CP: variants seen among roughly 807,000 people sequenced by gnomAD.
CP encodes ceruloplasmin, also known as caeruloplasmin.
CP carries 64 observed loss-of-function variants against 122.4 expected under a neutral mutation model. The ratio of observed to expected loss-of-function variants is 0.52; its 90% confidence interval spans 0.43 to 0.64. The LOEUF (loss-of-function observed/expected upper bound fraction) is 0.64. Among genes scored for constraint, CP ranks in the 30% least tolerant of loss-of-function variants. The pLI is 0.00. For synonymous variants in CP, 440 were observed against 436.4 expected (o/e 1.01, Z -0.10); for missense variants, 1,167 against 1,284.4 (o/e 0.91, Z 1.40).
intron 7 of CP, among the ~76,000 whole-genome samples, chr3:149,200,816 A>G (rs1727255382): frequency 6.6e-6 from 1 of 151,820 alleles, no homozygotes; most frequent in Non-Finnish European, 1.5e-5. Context: ...AGCCAAGTTG[A>G]GTAACTTTCA....
intron 6 of CP, among the ~76,000 whole-genome samples, chr3:149,203,009 C>T (rs1182200882): frequency 5.4e-5 from 8 of 148,182 alleles, no homozygotes; most frequent in African/African-American, 2.0e-4. Flanking sequence ...CAGGTTCAAG[C>T]AATTCTCCTG....
chr3:149,176,590 C>T, intron 17 of CP, 178 bp from the exon 18 acceptor site: 1 of 588,628 alleles, frequency 1.7e-6, no homozygotes, highest in Non-Finnish European at 3.0e-6. Context: ...CCTAATAAGT[C>T]TTTGGTATCC....
chr3:149,199,571 T>C (rs558810936), intron 8 of CP, 141 bp downstream of exon 8: 11 of 1,030,406 alleles, frequency 1.1e-5, no homozygotes, highest in Non-Finnish European at 1.7e-5. Context: ...GGTTTATTTG[T>C]TTCCTGGCAT....
At chr3:149,164,278 A>G (rs1724193542) in intron 5 of CP, among the ~76,000 whole-genome samples, 1 of 152,128 alleles carries the variant, frequency 6.6e-6, no homozygotes, top group Non-Finnish European at 1.5e-5. Context: ...TGGTGTTTTT[A>G]TTGATGTAGT....
Position 149,186,352 on chromosome 3 carries a change from T to C in CP, c.2077+168A>G, listed in dbSNP as rs551879499. The C allele has an allele frequency of 4.4e-6, 3 of 686,180 alleles. No individual in the cohort carries two copies. In the East Asian group the frequency reaches 8.1e-5, roughly 19 times the overall value. 42.5% of individuals were successfully genotyped at this position (686,180 alleles called of 1,614,324 possible). ...GTAACTAGGAAACAGACCTATCTGG[T>C]ACATACTTCAGCTGATAGTGGCCTA... is the stretch of plus-strand genomic sequence containing the variant. On this transcript the variant is annotated intron_variant, in intron 11 of 18. Coordinates refer to ENST00000264613, the MANE Select transcript of CP (RefSeq NM_000096.4).
chr3:149,184,720 T>C (rs1726036213), intron 12 of CP, among the ~76,000 whole-genome samples: 1 of 152,252 alleles, frequency 6.6e-6, no homozygotes, highest in Non-Finnish European at 1.5e-5. Context: ...ATGGACATGT[T>C]ACTGGTAATT....
At chr3:149,177,168 C>T (rs1725471746) in intron 17 of CP, among the ~76,000 whole-genome samples, 1 of 152,066 alleles carries the variant, frequency 6.6e-6, no homozygotes, top group African/African-American at 2.4e-5. Flanking sequence ...CACCATGGGC[C>T]ATTTAAGATA....
intron 1 of CP, 88 bp from the exon 2 acceptor site, chr3:149,212,786 G>C: frequency 7.0e-7 from 1 of 1,436,338 alleles, no homozygotes; most frequent in Non-Finnish European, 9.4e-7. Flanking sequence ...TATAATTAGA[G>C]AAATTAATGA....
intron 12 of CP, among the ~76,000 whole-genome samples, chr3:149,184,790 C>G: frequency 6.6e-6 from 1 of 152,180 alleles, no homozygotes; most frequent in East Asian, 1.9e-4. Context: ...CATCTTCAAG[C>G]ATTTAAAATA....
chr3:149,214,016 C>T (rs1728287898), intron 1 of CP, among the ~76,000 whole-genome samples: 1 of 152,180 alleles, frequency 6.6e-6, no homozygotes, highest in African/African-American at 2.4e-5. Flanking sequence ...GGGTCTGGGG[C>T]AGGGCCCAGG....
intron 9 of CP, among the ~76,000 whole-genome samples, chr3:149,194,160 G>C (rs9853335): frequency 0.065 from 9,785 of 151,602 alleles, 469 homozygotes; most frequent in Non-Finnish European, 0.096. Flanking sequence ...TCCAAAGTAA[G>C]CACAAGATCA....
chr3:149,163,270 G>T (rs1318891434), intron 5 of CP, among the ~76,000 whole-genome samples: 1 of 152,200 alleles, frequency 6.6e-6, no homozygotes, highest in Non-Finnish European at 1.5e-5. Flanking sequence ...GGCTGTGGGA[G>T]GGAGACTGCC....
In CP at chr3:149,185,354, C is replaced by A. The variant is rs547959229; in HGVS notation, c.2170G>T (p.Asp724Tyr). 1.2e-6 allele frequency: 2 copies of A among 1,614,176 alleles called. No individual in the cohort carries two copies. Among genetic ancestry groups the A allele is most frequent in the East Asian group, 4.5e-5 (2 of 44,890 alleles). The stretch of plus-strand genomic sequence containing the variant: ...CTCTCTCCCAGGTAGAAGGTGGAAT[C>A]CTCAGACTGCCGCCTGCATTGGTTC... ...TVNQCRRQSE[D>Y]STFYLGERTY... The change falls in exon 12 of 19, where the codon GAT becomes TAT. Residue 724 changes from aspartate (D) to tyrosine (Y), a missense_variant. Physicochemically the swap from Asp to Tyr is radical, Grantham distance 160. Transcript: ENST00000264613.
In CP at chr3:149,212,584, C is replaced by T. The variant is rs142440055; in HGVS notation, c.261G>A (p.Pro87=). 2.7e-5 allele frequency: 44 copies of T among 1,613,950 alleles called. No homozygotes were observed. In the African/African-American group the frequency reaches 3.3e-4, roughly 12 times the overall value. The change falls in exon 2 of 19, where the codon CCG becomes CCA. Residue 87 remains proline, a synonymous_variant. Transcript: ENST00000264613. The stretch of plus-strand genomic sequence containing the variant: ...TAGGGCCTAAAAACCCAAGCCAGAC[C>T]GGTTTTTCTATAGTTGTCCTAAAGG... ...DETFRTTIEK[P]VWLGFLGPII... is the part of the protein sequence containing the mutation.
downstream of CP, among the ~76,000 whole-genome samples, chr3:149,171,696 T>G (rs1725006175): frequency 7.0e-6 from 1 of 142,104 alleles, no homozygotes; most frequent in South Asian, 2.2e-4. Context: ...CTGAACTGGC[T>G]TCTTTTTTTT....
chr3:149,207,552 A>G lies in CP; in HGVS notation c.847T>C (p.Trp283Arg), dbSNP rs755222932. The change falls in exon 5 of 19, where the codon TGG becomes CGG. Residue 283 changes from tryptophan (W) to arginine (R), a missense_variant. Coordinates refer to ENST00000264613, the MANE Select transcript of CP (RefSeq NM_000096.4). Reference protein sequence around the residue: ...LSMCAEDRVKWYLFGMGNEVD... With the variant: ...LSMCAEDRVKRYLFGMGNEVD... The stretch of plus-strand genomic sequence containing the variant: ...TCATTACCCATACCAAAAAGGTACC[A>G]TTTTACTCTGTCTTCAGCACACATG... 1 of 1,613,920 alleles carries G rather than the reference A, an allele frequency of 6.2e-7. No individual in the cohort carries two copies. The highest frequency in any genetic ancestry group is 1.1e-5 in the South Asian group (1 of 91,088).
At chr3:149,199,347 A>G (rs1222717656) in intron 8 of CP, among the ~76,000 whole-genome samples, 1 of 152,176 alleles carries the variant, frequency 6.6e-6, no homozygotes, top group African/African-American at 2.4e-5. Context: ...AACTATGGAT[A>G]ATTAGTATTT....
Position 149,173,635 on chromosome 3 carries a change from T to C in CP, c.*79A>G, listed in dbSNP as rs887009880. ...TGTTTATAGTCATTCCAAAGTAACA[T>C]TCTATTTTACACTTTCACATACATT... is the stretch of plus-strand genomic sequence containing the variant. On this transcript the variant is annotated 3_prime_UTR_variant, in exon 19 of 19. Coordinates refer to ENST00000264613, the MANE Select transcript of CP (RefSeq NM_000096.4). The C allele has an allele frequency of 3.2e-6, 3 of 933,926 alleles. No homozygotes were observed. In the African/African-American group the frequency reaches 5.0e-5, roughly 15 times the overall value. The allele number at this position is 933,926 out of a possible 1,614,324, so 57.9% of individuals were successfully genotyped here. A position where few individuals can be genotyped will look rare whatever the true frequency, so the allele number is the denominator to read the frequency against.
intron 18 of CP, among the ~76,000 whole-genome samples, 178 bp from the exon 19 acceptor site, chr3:149,173,908 G>A (rs1576721807): frequency 6.6e-6 from 1 of 152,086 alleles, no homozygotes; most frequent in East Asian, 1.9e-4. Flanking sequence ...TTTAAAGAAA[G>A]ATTACTTTCT....
Sources: allele counts gnomAD v4.1 joint callset (sites outside exome capture counted in the v4.1 genomes callset), GRCh38; gene constraint gnomAD v4.1.1; transcripts MANE v1.5; gene names NCBI Gene and HGNC (gene_info 2026-07-23, HGNC 2026-07-21).